UQCRC2: variants seen among roughly 807,000 people sequenced by gnomAD.
The protein encoded by UQCRC2 is cytochrome b-c1 complex subunit 2, mitochondrial.
In UQCRC2, 49 loss-of-function variants were observed where a neutral mutation model predicts 55.6. That is an observed-to-expected ratio of 0.88 (90% CI 0.70 to 1.12). The LOEUF is 1.12. Among genes scored for constraint, UQCRC2 ranks in the 50% most tolerant of loss-of-function variants. The probability of loss-of-function intolerance (pLI) is 0.00; values close to 1 mark genes in which losing one functional copy is unlikely to be tolerated. For synonymous variants in UQCRC2, 193 were observed against 192.0 expected, an observed-to-expected ratio of 1.01 and a Z score of -0.04; for missense variants, 506 against 547.8, an observed-to-expected ratio of 0.92 and a Z score of 0.76.
intron 12 of UQCRC2, among the ~76,000 whole-genome samples, chr16:21,977,183 C>A (rs1898605991): frequency 6.6e-6 from 1 of 152,008 alleles, no homozygotes. Flanking sequence ...AAGACACTGT[C>A]TTTACAAAAA....
In UQCRC2 at chr16:21,968,635, A is replaced by C; in HGVS notation, c.620A>C (p.Tyr207Ser). 1 of 1,607,888 alleles carries C rather than the reference A, an allele frequency of 6.2e-7. No individual in the cohort carries two copies. Among genetic ancestry groups the C allele is most frequent in the South Asian group, 1.1e-5 (1 of 89,910 alleles). The change falls in exon 8 of 14, where the codon TAC becomes TCC. Residue 207 changes from tyrosine (Y) to serine (S), a missense_variant. By Grantham distance (144) the Tyr-to-Ser change is moderately radical. Transcript: ENST00000268379. The stretch of plus-strand genomic sequence containing the variant: ...TGTTTTTAACTTCCTCAGTTACATT[A>C]CTTCGTTCAGAACCATTTCACAAGT... ...IGKVTSEELHYFVQNHFTSAR... is the reference protein window; with the variant it reads ...IGKVTSEELHSFVQNHFTSAR...
intron 11 of UQCRC2, among the ~76,000 whole-genome samples, chr16:21,975,180 C>G (rs1040225416): frequency 6.6e-6 from 1 of 152,028 alleles, no homozygotes; most frequent in Non-Finnish European, 1.5e-5. Context: ...GAGGAGATAG[C>G]AAGGGAGTTG....
At chr16:21,964,474 G>A (rs1898278626) in intron 6 of UQCRC2, among the ~76,000 whole-genome samples, 1 of 152,152 alleles carries the variant, frequency 6.6e-6, no homozygotes. Flanking sequence ...GGCCTTGCGT[G>A]ATCTTACCCC....
intron 3 of UQCRC2, 140 bp downstream of exon 3, chr16:21,957,706 C>G: frequency 7.9e-7 from 1 of 1,264,674 alleles, no homozygotes; most frequent in Non-Finnish European, 1.1e-6. Context: ...GTAGCTTAAA[C>G]CAAATAAGTT....
At chr16:21,962,662 G>T (rs1420968893) in intron 5 of UQCRC2, 99 bp from the exon 6 acceptor site, 2 of 1,594,540 alleles carry the variant, frequency 1.3e-6, no homozygotes, top group African/African-American at 1.3e-5. Flanking sequence ...CTTACCACAA[G>T]ACCTAAAGTT....
At chr16:21,957,353 C>G in intron 2 of UQCRC2, 35 bp downstream of exon 2, 1 of 1,613,918 alleles carries the variant, frequency 6.2e-7, no homozygotes, top group Non-Finnish European at 8.5e-7. Context: ...GGAAGCTATA[C>G]ATGCCTTACT....
chr16:21,962,991 A>G, intron 6 of UQCRC2, 106 bp downstream of exon 6: 1 of 1,352,314 alleles, frequency 7.4e-7, no homozygotes. Context: ...TTTTATTTTT[A>G]TTTATTTATT....
intron 12 of UQCRC2, 181 bp downstream of exon 12, chr16:21,976,424 C>T (rs1898587681): frequency 1.9e-6 from 1 of 520,730 alleles, no homozygotes; most frequent in Non-Finnish European, 3.3e-6. Context: ...TGGCCAGGCA[C>T]AGTGGCTCAC....
rs951239545 is a variant in UQCRC2, at chr16:21,957,187, G to A, written c.34-48G>A. On this transcript the variant is annotated intron_variant, in intron 1 of 13. Transcript: ENST00000268379. ...CTAAGATACCATGCTTTTATATAAA[G>A]CACTGTTCTTGTGAGAAATACGTGT... The A allele has an allele frequency of 3.8e-6, 6 of 1,583,576 alleles. No homozygotes were observed. The African/African-American group carries it at 8.1e-5, about 21-fold the overall frequency.
intron 13 of UQCRC2, 103 bp from the exon 14 acceptor site, chr16:21,982,985 A>T: frequency 2.2e-6 from 2 of 929,030 alleles, no homozygotes; most frequent in East Asian, 2.6e-5. Flanking sequence ...AAAAAAAAAG[A>T]ATGTCCTATC....
intron 8 of UQCRC2, among the ~76,000 whole-genome samples, chr16:21,971,101 T>C (rs1176204225): frequency 6.6e-6 from 1 of 152,164 alleles, no homozygotes; most frequent in Admixed American, 6.5e-5. Context: ...AGCTAACTAT[T>C]AGAAACATGC....
chr16:21,983,524 G>A lies in UQCRC2; in HGVS notation c.*353G>A, dbSNP rs958578161. On this transcript the variant is annotated 3_prime_UTR_variant, in exon 14 of 14. Coordinates refer to ENST00000268379, the MANE Select transcript of UQCRC2 (RefSeq NM_003366.4). Reference sequence around the variant, plus strand: ...GGGTAAATAGTGCCAGATTACTATTGGTGGCGTTTAAGATGAAAGCAAGTT... The same window carrying A: ...GGGTAAATAGTGCCAGATTACTATTAGTGGCGTTTAAGATGAAAGCAAGTT... 1.6e-5 allele frequency: 5 copies of A among 305,454 alleles called. No homozygotes were observed. Among genetic ancestry groups the A allele is most frequent in the Non-Finnish European group, 2.4e-5 (4 of 168,646 alleles). 18.9% of individuals were successfully genotyped at this position (305,454 alleles called of 1,614,324 possible). A position where few individuals can be genotyped will look rare whatever the true frequency, so the allele number is the denominator to read the frequency against.
At chr16:21,982,591 C>T (rs561276773) in intron 13 of UQCRC2, among the ~76,000 whole-genome samples, 3 of 152,276 alleles carry the variant, frequency 2.0e-5, no homozygotes, top group East Asian at 3.9e-4. Flanking sequence ...AGCTTTTCCT[C>T]CCACACTGTC....
chr16:21,959,115 G>T (rs142141974), intron 4 of UQCRC2, among the ~76,000 whole-genome samples: 20 of 152,296 alleles, frequency 1.3e-4, no homozygotes, highest in African/African-American at 4.6e-4. Flanking sequence ...TCAAGGTGGT[G>T]GTTGCTGAAG....
intron 11 of UQCRC2, among the ~76,000 whole-genome samples, chr16:21,975,133 A>G (rs1898551977): frequency 6.6e-6 from 1 of 152,176 alleles, no homozygotes; most frequent in South Asian, 2.1e-4. Context: ...GGTTAATCCC[A>G]GGTTGGAATC....
intron 6 of UQCRC2, among the ~76,000 whole-genome samples, chr16:21,964,014 G>A (rs1211066117): frequency 6.6e-6 from 1 of 151,934 alleles, no homozygotes. Flanking sequence ...GTAAGCAAGC[G>A]CCGCTGACTC....
At chr16:21,968,922 G>C (rs948663133) in intron 8 of UQCRC2, among the ~76,000 whole-genome samples, 1 of 152,132 alleles carries the variant, frequency 6.6e-6, no homozygotes, top group Non-Finnish European at 1.5e-5. Context: ...TAAAACCTGT[G>C]ACAAAGGTGA....
At chr16:21,955,611 G>C (rs1438442726) in intron 1 of UQCRC2, among the ~76,000 whole-genome samples, 1 of 152,126 alleles carries the variant, frequency 6.6e-6, no homozygotes, top group African/African-American at 2.4e-5. Flanking sequence ...TATTTAATGG[G>C]ACCCTTTCAC....
In UQCRC2 at chr16:21,962,506, C is replaced by G; in HGVS notation, c.379C>G (p.Arg127Gly). The change falls in exon 5 of 14, where the codon CGG becomes GGG. Residue 127 changes from arginine (R) to glycine (G), a missense_variant. Physicochemically the swap from Arg to Gly is moderately radical, Grantham distance 125. Transcript: ENST00000268379. ...ENMAYTVECLRGDVDILMEFL... is the reference protein window; with the variant it reads ...ENMAYTVECLGGDVDILMEFL... ...CATGGCTTATACTGTGGAATGCCTG[C>G]GGGGTGATGTGTAAGTACCTGTGTG... The G allele has an allele frequency of 6.2e-7, 1 of 1,614,096 alleles. No homozygotes were observed. Among genetic ancestry groups the G allele is most frequent in the Non-Finnish European group, 8.5e-7 (1 of 1,180,000 alleles).
Sources: gnomAD v4.1 joint callset for allele counts (sites outside exome capture counted in the v4.1 genomes callset) on GRCh38, gnomAD v4.1.1 for gene constraint, MANE v1.5 for transcripts, NCBI Gene and HGNC (gene_info 2026-07-23, HGNC 2026-07-21) for gene names.